Variants in KCNS3 observed in about 807,000 individuals in gnomAD.
The protein encoded by KCNS3 is delayed-rectifier potassium channel regulatory subunit KCNS3.
In KCNS3, 13 loss-of-function variants were observed where a neutral mutation model predicts 31.0. That is an observed-to-expected ratio of 0.42 (90% confidence interval 0.27 to 0.67). The LOEUF is 0.67. Ranked by LOEUF, KCNS3 falls within the 30% of genes least tolerant of loss-of-function variation. The pLI, the probability that KCNS3 is intolerant of heterozygous loss-of-function variation, is 0.25. For synonymous variants in KCNS3, 238 were observed against 241.5 expected, an observed-to-expected ratio of 0.99 and a Z score of 0.13; for missense variants, 545 against 622.4, an observed-to-expected ratio of 0.88 and a Z score of 1.32.
Position 17,931,605 on chromosome 2 carries a change from C to G in KCNS3, c.597C>G (p.Ile199Met). The G allele has an allele frequency of 6.2e-7, 1 of 1,614,160 alleles. No homozygotes were observed. Residue 199 changes from isoleucine to methionine, a missense_variant, in exon 3 of 3, where the codon ATC (isoleucine) becomes ATG (methionine). Transcript: ENST00000304101. This position sits in a 1 kb window ranked among gnomAD's most constrained non-coding sequence, Gnocchi z 5.4. ...ISSLSVVLAS[I>M]VAMCVHSMSE... is the part of the protein sequence containing the mutation. ...CCTTGAGCGTGGTGCTGGCCTCCATCGTGGCCATGTGCGTTCACAGCATGT... is the reference window on the plus strand; with the variant it reads ...CCTTGAGCGTGGTGCTGGCCTCCATGGTGGCCATGTGCGTTCACAGCATGT...
intron 2 of KCNS3, among the ~76,000 whole-genome samples, chr2:17,923,480 A>G (rs1393855956): frequency 3.3e-5 from 5 of 152,100 alleles, no homozygotes; most frequent in Non-Finnish European, 7.4e-5. Flanking sequence ...ACATTTTGAT[A>G]AAGTCAATTT....
chr2:17,890,687 A>G lies in KCNS3; in HGVS notation c.-252+11881A>G, dbSNP rs566339506. On this transcript the variant is annotated intron_variant, in intron 1 of 2. Coordinates refer to ENST00000304101, the MANE Select transcript of KCNS3 (RefSeq NM_002252.5). ...CCATCTTGATTTCATTTTTGACCCA[A>G]TGCTCATTTAGGAGCAGGTTATTTA... 7.2e-5 allele frequency among the ~76,000 whole-genome samples: 11 copies of G among 152,268 alleles called. No homozygotes were observed. The East Asian group carries it at 1.7e-3, about 24-fold the overall frequency.
chr2:17,920,956 G>A (rs1461949), intron 2 of KCNS3, among the ~76,000 whole-genome samples: 104,427 of 152,144 alleles, frequency 0.69, 36,487 homozygotes, highest in East Asian at 0.98. Context: ...GGTGGACAAC[G>A]TTGGGCAAAT....
chr2:17,889,157 A>G (rs1017924930), intron 1 of KCNS3, among the ~76,000 whole-genome samples: 2 of 152,090 alleles, frequency 1.3e-5, no homozygotes, highest in East Asian at 3.9e-4. Context: ...TTTGTTAGGT[A>G]TATTCCTAAG....
intron 1 of KCNS3, among the ~76,000 whole-genome samples, chr2:17,888,223 G>A (rs1053935613): frequency 1.3e-5 from 2 of 152,032 alleles, no homozygotes; most frequent in Non-Finnish European, 2.9e-5. Context: ...TATTGCATTT[G>A]CTTTTGGGTT....
intron 1 of KCNS3, among the ~76,000 whole-genome samples, chr2:17,910,859 C>A (rs1662456856): frequency 6.6e-6 from 1 of 152,150 alleles, no homozygotes; most frequent in Admixed American, 6.5e-5. Context: ...AGGCAGAATT[C>A]TTCATATTTT....
At position 17,894,301 on chromosome 2, in the gene KCNS3, G is replaced by C. The variant is rs186694904; in HGVS notation, c.-252+15495G>C. ...CTATATGATGTAGAAGGGAGGAGAT[G>C]AGTTTTCTCTCCTAGGAAGGGGGCC... On this transcript the variant is annotated intron_variant, in intron 1 of 2. Coordinates refer to ENST00000304101, the MANE Select transcript of KCNS3 (RefSeq NM_002252.5). Among the ~76,000 whole-genome samples, 760 of 152,192 alleles carry C rather than the reference G, an allele frequency of 5.0e-3. 7 individuals are homozygous for C. Among genetic ancestry groups the C allele is most frequent in the Non-Finnish European group, 9.3e-3 (631 of 68,026 alleles).
At chr2:17,911,047 A>G (rs1662460658) in intron 1 of KCNS3, among the ~76,000 whole-genome samples, 1 of 151,994 alleles carries the variant, frequency 6.6e-6, no homozygotes, top group African/African-American at 2.4e-5. Context: ...TTACTTGTTC[A>G]TACCTGACTC....
chr2:17,921,638 G>A (rs566858270), intron 2 of KCNS3, among the ~76,000 whole-genome samples: 1 of 151,972 alleles, frequency 6.6e-6, no homozygotes, highest in Admixed American at 6.6e-5. Flanking sequence ...GAAGGCAAAG[G>A]GGAAGCAAGC....
intron 2 of KCNS3, among the ~76,000 whole-genome samples, chr2:17,922,235 A>T (rs956815004): frequency 6.6e-6 from 1 of 151,800 alleles, no homozygotes; most frequent in Non-Finnish European, 1.5e-5. Flanking sequence ...GAAATTCCCC[A>T]TCAGCTTTTT....
intron 1 of KCNS3, among the ~76,000 whole-genome samples, chr2:17,914,712 C>T (rs2125247325): frequency 6.6e-6 from 1 of 152,302 alleles, no homozygotes; most frequent in Non-Finnish European, 1.5e-5. Flanking sequence ...TAACTGGAGG[C>T]TTTCTCAGTC....
intron 1 of KCNS3, among the ~76,000 whole-genome samples, chr2:17,893,842 C>T (rs537659726): frequency 6.6e-6 from 1 of 151,292 alleles, no homozygotes; most frequent in Non-Finnish European, 1.5e-5. Flanking sequence ...CTGATTTGTT[C>T]TTGCAGCCAA....
intron 1 of KCNS3, among the ~76,000 whole-genome samples, chr2:17,886,515 AC>A (rs969296719): frequency 2.0e-5 from 3 of 152,004 alleles, no homozygotes; most frequent in African/African-American, 7.3e-5. Context: ...CTGATGTAAG[AC>A]CCCAGTCTTC....
chr2:17,917,970 G>A (rs1448935212), intron 2 of KCNS3, 99 bp downstream of exon 2: 1 of 152,686 alleles, frequency 6.5e-6, no homozygotes, highest in Admixed American at 6.5e-5. Context: ...ATGAAAGTTA[G>A]ACACTTCTGA....
At chr2:17,904,757 A>G (rs895938351) in intron 1 of KCNS3, among the ~76,000 whole-genome samples, 20 of 152,352 alleles carry the variant, frequency 1.3e-4, no homozygotes, top group Middle Eastern at 3.4e-3. Context: ...TTTGTCAAAG[A>G]TCAGATGGTC....
At chr2:17,879,496 A>C (rs989547305) in intron 1 of KCNS3, 1 of 150,398 alleles carries the variant, frequency 6.6e-6, no homozygotes. Flanking sequence ...CGTTTGGATC[A>C]GTGGCAGTGG....
At chr2:17,927,866 A>G (rs1365625893) in intron 2 of KCNS3, among the ~76,000 whole-genome samples, 5 of 152,222 alleles carry the variant, frequency 3.3e-5, no homozygotes, top group Non-Finnish European at 7.3e-5. Flanking sequence ...TATGGCCTGG[A>G]AGCCCCCCAC....
intron 1 of KCNS3, among the ~76,000 whole-genome samples, chr2:17,917,126 CTG>C (rs1662608946): frequency 6.6e-6 from 1 of 152,170 alleles, no homozygotes; most frequent in South Asian, 2.1e-4. Flanking sequence ...CACACATAAA[CTG>C]TGATTGCACC....
Position 17,931,806 on chromosome 2 carries a change from C to G in KCNS3, c.798C>G (p.Phe266Leu), listed in dbSNP as rs577298726. ...TTGACTTTGTCTCTATTATTCCCTT[C>G]TATGCCACGTTGGCTGTAGACACCA... ...NIIDFVSIIP[F>L]YATLAVDTKE... Residue 266 changes from phenylalanine (F) to leucine (L), a missense_variant, in exon 3 of 3, where the codon TTC becomes TTG. Coordinates refer to ENST00000304101, the MANE Select transcript of KCNS3 (RefSeq NM_002252.5). The surrounding 1 kb of genome is among the most constrained non-coding windows in gnomAD (Gnocchi z 5.4). 6.2e-7 allele frequency: 1 copy of G among 1,614,194 alleles called. No homozygotes were observed. The highest frequency in any genetic ancestry group is 2.2e-5 in the East Asian group (1 of 44,882).
Sources: gnomAD v4.1 joint callset for allele counts (sites outside exome capture counted in the v4.1 genomes callset) on GRCh38, gnomAD v4.1.1 for gene constraint, Gnocchi (gnomAD v3.1) non-coding constraint, MANE v1.5 for transcripts, NCBI Gene and HGNC (gene_info 2026-07-23, HGNC 2026-07-21) for gene names.